ZNF664: variants seen among roughly 807,000 people sequenced by gnomAD.
ZNF664 encodes zinc finger protein 664, also known as zinc finger Organ of Corti 1.
In ZNF664, 10 loss-of-function variants were observed where a neutral mutation model predicts 18.2. The observed-to-expected ratio is 0.55, with a 90% confidence interval of 0.34 to 0.93. The LOEUF (loss-of-function observed/expected upper bound fraction) is 0.93, where lower values mean the gene tolerates loss of function less well. Ranked by LOEUF, ZNF664 falls within the 40% of genes least tolerant of loss-of-function variation. ZNF664 has a pLI of 0.02. For missense variants in ZNF664, 193 were observed against 319.0 expected, an observed-to-expected ratio of 0.61 and a Z score of 3.01; for synonymous variants, 119 against 104.2, an observed-to-expected ratio of 1.14 and a Z score of -0.86.
chr12:123,985,159 T>C (rs966326279), intron 2 of ZNF664, among the ~76,000 whole-genome samples: 7 of 151,990 alleles, frequency 4.6e-5, no homozygotes, highest in Non-Finnish European at 1.0e-4. Flanking sequence ...GAATTGGTCT[T>C]AGTCGGGGGA....
chr12:123,979,711 C>G (rs919658757), intron 2 of ZNF664, among the ~76,000 whole-genome samples: 3 of 152,030 alleles, frequency 2.0e-5, no homozygotes, highest in African/African-American at 7.3e-5. Context: ...CAGGGTCTTG[C>G]TCTGTTGCCT....
chr12:123,995,109 T>C (rs1956932609), intron 3 of ZNF664, among the ~76,000 whole-genome samples: 1 of 152,166 alleles, frequency 6.6e-6, no homozygotes, highest in Non-Finnish European at 1.5e-5. Context: ...GCTCAGACAG[T>C]TGAGAGCATG....
chr12:123,988,319 C>T (rs1256178699), intron 3 of ZNF664, among the ~76,000 whole-genome samples, 181 bp downstream of exon 3: 3 of 152,238 alleles, frequency 2.0e-5, no homozygotes, highest in Admixed American at 1.3e-4. Context: ...TTCCCCAGAT[C>T]TTGGACCACC....
chr12:124,006,274 C>G (rs563996704), intron 3 of ZNF664: 1 of 152,346 alleles, frequency 6.6e-6, no homozygotes, highest in African/African-American at 2.4e-5. Flanking sequence ...GCTGCTGCAA[C>G]CAACTCCTGC....
intron 3 of ZNF664, among the ~76,000 whole-genome samples, chr12:124,008,398 G>A (rs1343989521): frequency 6.6e-6 from 1 of 152,154 alleles, no homozygotes; most frequent in Non-Finnish European, 1.5e-5. Context: ...TGCTAAGATC[G>A]ATCCCTGGCT....
Position 124,012,232 on chromosome 12 carries a change from C to A in ZNF664, c.88C>A (p.Pro30Thr), listed in dbSNP as rs923562460. The A allele has an allele frequency of 6.2e-7, 1 of 1,614,026 alleles. No individual in the cohort carries two copies. Among genetic ancestry groups the A allele is most frequent in the Non-Finnish European group, 8.5e-7 (1 of 1,180,038 alleles). Residue 30 changes from proline (P) to threonine (T), a missense_variant, in exon 5 of 5, where the codon CCC becomes ACC. Pro to Thr is a conservative substitution (Grantham distance 38). Coordinates refer to ENST00000337815, the MANE Select transcript of ZNF664 (RefSeq NM_152437.3). ...MHQKIHTAEKPHKCDKCDKGF... is the reference protein window; with the variant it reads ...MHQKIHTAEKTHKCDKCDKGF... The stretch of plus-strand genomic sequence containing the variant: ...TCAGAAAATTCACACAGCTGAGAAG[C>A]CCCATAAATGTGACAAGTGTGATAA...
intron 2 of ZNF664, among the ~76,000 whole-genome samples, chr12:123,982,657 C>A (rs35099862): frequency 0.32 from 49,212 of 152,002 alleles, 8,163 homozygotes; most frequent in Middle Eastern, 0.37. Flanking sequence ...ACTGTTGCAG[C>A]GCTTACAGGA....
At chr12:123,990,639 C>T (rs825505) in intron 3 of ZNF664, among the ~76,000 whole-genome samples, 150,140 of 152,318 alleles carry the variant, frequency 0.99, 74,041 homozygotes, top group Middle Eastern at 1. Context: ...CTAGAGCTAA[C>T]CTGAACTAAA....
At chr12:124,010,140 A>G (rs1957118536) in intron 3 of ZNF664, among the ~76,000 whole-genome samples, 3 of 152,240 alleles carry the variant, frequency 2.0e-5, no homozygotes, top group Non-Finnish European at 2.9e-5. Flanking sequence ...GACAAAGGAT[A>G]GATGCAAACA....
Position 124,012,392 on chromosome 12 carries a change from T to G in ZNF664, c.248T>G (p.Val83Gly). ...AATAGACATAAGAAAATCCACACAG[T>G]GGAGAAGCCCTATAAATGTTACGAG... ...KLNRHKKIHT[V>G]EKPYKCYECG... is the part of the protein sequence containing the mutation. The change falls in exon 5 of 5, where the codon GTG (valine) becomes GGG (glycine). Residue 83 changes from valine to glycine, a missense_variant. Val to Gly is a moderately radical substitution (Grantham distance 109). Coordinates refer to ENST00000337815, the MANE Select transcript of ZNF664 (RefSeq NM_152437.3). 1 of 1,614,224 alleles carries G rather than the reference T, an allele frequency of 6.2e-7. No individual in the cohort carries two copies. The highest frequency in any genetic ancestry group is 8.5e-7 in the Non-Finnish European group (1 of 1,180,036).
intron 3 of ZNF664, among the ~76,000 whole-genome samples, chr12:123,992,778 G>A (rs1956903650): frequency 6.6e-6 from 1 of 152,176 alleles, no homozygotes; most frequent in African/African-American, 2.4e-5. Context: ...ATTGGTGCCT[G>A]AACTGACAGG....
intron 3 of ZNF664, among the ~76,000 whole-genome samples, chr12:124,007,737 T>G (rs1957089599): frequency 6.6e-6 from 1 of 151,890 alleles, no homozygotes; most frequent in Non-Finnish European, 1.5e-5. Context: ...ATACACAATA[T>G]TTTACAATAG....
intron 2 of ZNF664, chr12:123,974,389 A>G (rs1487306413): frequency 3.1e-5 from 6 of 190,494 alleles, no homozygotes; most frequent in Non-Finnish European, 5.3e-5. Flanking sequence ...ACGTTTTCTG[A>G]TATTTACAGT....
intron 2 of ZNF664, 129 bp from the exon 3 acceptor site, chr12:123,987,914 T>G (rs1956843561): frequency 8.4e-7 from 1 of 1,194,292 alleles, no homozygotes; most frequent in African/African-American, 1.6e-5. Flanking sequence ...AAATCCCAGA[T>G]GTAAATAGGT....
intron 3 of ZNF664, among the ~76,000 whole-genome samples, chr12:124,001,269 CT>C (rs1957008700): frequency 6.6e-6 from 1 of 152,228 alleles, no homozygotes; most frequent in South Asian, 2.1e-4. Context: ...ATGTTTACCC[CT>C]AAATGCTCTT....
chr12:123,990,309 C>T (rs527311308), intron 3 of ZNF664, among the ~76,000 whole-genome samples: 249 of 152,248 alleles, frequency 1.6e-3, no homozygotes, highest in Middle Eastern at 0.01. Context: ...TTTAAAAATG[C>T]ATACAAATGT....
intron 3 of ZNF664, chr12:123,998,814 T>C (rs1248496539): frequency 1.3e-5 from 2 of 152,526 alleles, no homozygotes; most frequent in Non-Finnish European, 2.9e-5. Flanking sequence ...TAAATAAATG[T>C]GGAATATGTG....
At position 124,011,935 on chromosome 12, in the gene ZNF664, A is replaced by G. The variant is rs555440431; in HGVS notation, c.-210A>G. On this transcript the variant is annotated 5_prime_UTR_variant, in exon 5 of 5. Transcript: ENST00000337815. ...CAATGTCACTTTATAATCGATAATA[A>G]TACTGAGTGAGGAACACTATGCAGG... is the stretch of plus-strand genomic sequence containing the variant. The G allele has an allele frequency of 7.2e-7, 1 of 1,388,994 alleles. No homozygotes were observed. Among genetic ancestry groups the G allele is most frequent in the African/African-American group, 1.5e-5 (1 of 68,782 alleles). The allele number at this position is 1,388,994 out of a possible 1,614,324, so 86.0% of individuals were successfully genotyped here. A position where few individuals can be genotyped will look rare whatever the true frequency, so the allele number is the denominator to read the frequency against.
rs568179843 is a variant in ZNF664 at position 123,981,711 on chromosome 12, C to G, written c.-756-6332C>G. Among the ~76,000 whole-genome samples the G allele has an allele frequency of 3.9e-5, 6 of 152,290 alleles. 1 individual carries two copies. The South Asian group carries it at 1.2e-3, about 32-fold the overall frequency. ...AGTGACTGATTCAGTTTTGGATGTA[C>G]TTGAGTTTGAAGGTCTTATAGGACA... On this transcript the variant is annotated intron_variant, in intron 2 of 4. Transcript: ENST00000337815.
Sources: gnomAD v4.1 joint callset for allele counts (sites outside exome capture counted in the v4.1 genomes callset) on GRCh38, gnomAD v4.1.1 for gene constraint, MANE v1.5 for transcripts, NCBI Gene and HGNC (gene_info 2026-07-23, HGNC 2026-07-21) for gene names.